PRKCQ: variants seen among roughly 807,000 people sequenced by gnomAD.
PRKCQ encodes protein kinase C theta type.
PRKCQ carries 41 observed loss-of-function variants against 91.2 expected under a neutral mutation model. The ratio of observed to expected loss-of-function variants is 0.45; its 90% confidence interval spans 0.35 to 0.58. The LOEUF (loss-of-function observed/expected upper bound fraction) is 0.58. PRKCQ is among the 20% of genes least tolerant of loss of function. PRKCQ has a pLI of 0.00. For missense variants in PRKCQ, 673 were observed against 896.5 expected (o/e 0.75, Z 3.18); for synonymous variants, 307 against 316.9 (o/e 0.97, Z 0.33).
chr10:6,455,835 T>C (rs937858009), intron 15 of PRKCQ, among the ~76,000 whole-genome samples: 12 of 152,242 alleles, frequency 7.9e-5, no homozygotes, highest in South Asian at 6.2e-4. Context: ...TTCTGGACTA[T>C]GTTTTGCAAA....
intron 7 of PRKCQ, among the ~76,000 whole-genome samples, chr10:6,495,438 C>T (rs983407561): frequency 2.0e-5 from 3 of 152,188 alleles, no homozygotes; most frequent in Non-Finnish European, 2.9e-5. Context: ...CTTCCTCCTG[C>T]TCTTCACCTA....
intron 15 of PRKCQ, 98 bp downstream of exon 15, chr10:6,456,576 G>T (rs1031663623): frequency 4.2e-6 from 6 of 1,445,300 alleles, no homozygotes; most frequent in Non-Finnish European, 5.6e-6. Flanking sequence ...AATCTTGAAT[G>T]AAGATATTTA....
chr10:6,412,992 G>T, the PRKCQ span, among the ~76,000 whole-genome samples: 10 of 151,924 alleles, frequency 6.6e-5, no homozygotes, highest in African/African-American at 2.4e-4. Flanking sequence ...TCACTCTGTT[G>T]CCCAGGCTGG....
At chr10:6,483,920 C>G (rs967805285) in intron 10 of PRKCQ, among the ~76,000 whole-genome samples, 1 of 152,212 alleles carries the variant, frequency 6.6e-6, no homozygotes, top group Non-Finnish European at 1.5e-5. Context: ...TACACAAGCA[C>G]TGTTAATAAT....
chr10:6,504,225 G>T (rs1001410032), intron 4 of PRKCQ, among the ~76,000 whole-genome samples: 42 of 152,262 alleles, frequency 2.8e-4, no homozygotes, highest in African/African-American at 9.1e-4. Context: ...TACACCCTTA[G>T]AACAGATTTT....
At chr10:6,458,336 A>G (rs1292768691) in intron 14 of PRKCQ, among the ~76,000 whole-genome samples, 2 of 152,146 alleles carry the variant, frequency 1.3e-5, no homozygotes, top group Non-Finnish European at 2.9e-5. Flanking sequence ...AAGACCAGTG[A>G]GGACCCCTGG....
intron 1 of PRKCQ, among the ~76,000 whole-genome samples, chr10:6,569,995 G>C (rs1350165116): frequency 1.3e-5 from 2 of 151,920 alleles, no homozygotes; most frequent in Non-Finnish European, 2.9e-5. Context: ...GGAAAATTGA[G>C]GAACATCAGT....
At chr10:6,470,894 T>G (rs1203067708) in intron 12 of PRKCQ, among the ~76,000 whole-genome samples, 1 of 150,332 alleles carries the variant, frequency 6.7e-6, no homozygotes, top group Non-Finnish European at 1.5e-5. Context: ...GAGGTTGTAT[T>G]GAGCCGCCTG....
At chr10:6,404,250 G>GT in the PRKCQ span, among the ~76,000 whole-genome samples, 2 of 90,610 alleles carry the variant, frequency 2.2e-5, no homozygotes, top group African/African-American at 8.9e-5. Flanking sequence ...GGAGAGAAGG[G>GT]GGGGGGAGAG....
chr10:6,409,401 T>C, the PRKCQ span, among the ~76,000 whole-genome samples: 3 of 152,204 alleles, frequency 2.0e-5, no homozygotes, highest in Non-Finnish European at 4.4e-5. Flanking sequence ...TTCAAGCGAC[T>C]CTTCTGCCTC....
chr10:6,515,341 G>T, intron 1 of PRKCQ, 197 bp from the exon 2 acceptor site: 1 of 1,481,448 alleles, frequency 6.8e-7, no homozygotes, highest in Non-Finnish European at 8.9e-7. Flanking sequence ...ACACTGACTT[G>T]CTGAGGGGAG....
chr10:6,572,484 G>A (rs532602750), intron 1 of PRKCQ, among the ~76,000 whole-genome samples: 6 of 152,170 alleles, frequency 3.9e-5, no homozygotes, highest in Non-Finnish European at 7.3e-5. Context: ...AACATAAGGT[G>A]TCCAGTTTTC....
the PRKCQ span, among the ~76,000 whole-genome samples, chr10:6,410,714 G>A: frequency 6.6e-6 from 1 of 152,180 alleles, no homozygotes; most frequent in African/African-American, 2.4e-5. Flanking sequence ...AGGGTGCAGT[G>A]GTTCACACCT....
intron 12 of PRKCQ, among the ~76,000 whole-genome samples, chr10:6,468,227 T>G (rs1014946997): frequency 1.3e-5 from 2 of 152,234 alleles, no homozygotes; most frequent in Non-Finnish European, 2.9e-5. Context: ...GGACATTTTG[T>G]GAATATTCTA....
intron 12 of PRKCQ, among the ~76,000 whole-genome samples, chr10:6,477,072 A>T (rs1836305575): frequency 6.6e-6 from 1 of 152,156 alleles, no homozygotes; most frequent in African/African-American, 2.4e-5. Flanking sequence ...CATTCTCCTA[A>T]ATAGTTGACC....
intron 1 of PRKCQ, among the ~76,000 whole-genome samples, chr10:6,564,520 T>G (rs1840764806): frequency 6.6e-6 from 1 of 151,896 alleles, no homozygotes; most frequent in Non-Finnish European, 1.5e-5. Flanking sequence ...ACTTCCTACT[T>G]TGGGGCCACA....
chr10:6,395,056 CTTTT>C, the PRKCQ span, among the ~76,000 whole-genome samples: 17 of 66,998 alleles, frequency 2.5e-4, no homozygotes, highest in Non-Finnish European at 3.7e-4. Flanking sequence ...AAGCTGGAGT[CTTTT>C]TTTTTTTTTT....
At chr10:6,426,303 A>G (rs1833120511), downstream of PRKCQ, among the ~76,000 whole-genome samples, 1 of 152,208 alleles carries the variant, frequency 6.6e-6, no homozygotes, top group African/African-American at 2.4e-5. Context: ...AGATGAAATG[A>G]CTTGTTCAGG....
chr10:6,553,596 T>A (rs11259531), intron 1 of PRKCQ, among the ~76,000 whole-genome samples: 15,472 of 152,024 alleles, frequency 0.1, 1,134 homozygotes, highest in Admixed American at 0.15. Context: ...CTTTTCCTTT[T>A]TTTCCTTCTT....
Sources: allele counts gnomAD v4.1 joint callset (sites outside exome capture counted in the v4.1 genomes callset), GRCh38; gene constraint gnomAD v4.1.1; transcripts MANE v1.5; gene names NCBI Gene and HGNC (gene_info 2026-07-23, HGNC 2026-07-21).